SNX18: variants seen among roughly 807,000 people sequenced by gnomAD.
SNX18 encodes sorting nexin-18.
In SNX18, 35 loss-of-function variants were observed where a neutral mutation model predicts 48.7. That is an observed-to-expected ratio of 0.72 (90% CI 0.55 to 0.95). The LOEUF is 0.95. Among genes scored for constraint, SNX18 ranks in the 40% least tolerant of loss-of-function variants. SNX18 has a pLI of 0.00. For missense variants in SNX18, 824 were observed against 871.0 expected, an observed-to-expected ratio of 0.95 and a Z score of 0.68; for synonymous variants, 492 against 384.7, an observed-to-expected ratio of 1.28 and a Z score of -3.26.
the SNX18 span, among the ~76,000 whole-genome samples, chr5:54,557,566 G>A: frequency 6.6e-6 from 1 of 152,260 alleles, no homozygotes; most frequent in East Asian, 1.9e-4. Context: ...GGTGCCTACA[G>A]TAGTCAAATT....
chr5:54,623,233 T>C, the SNX18 span, among the ~76,000 whole-genome samples: 4 of 152,020 alleles, frequency 2.6e-5, no homozygotes, highest in Admixed American at 6.6e-5. Context: ...ACAAACTTGG[T>C]TTGAGAATAG....
the SNX18 span, among the ~76,000 whole-genome samples, chr5:54,588,203 G>A: frequency 6.6e-6 from 1 of 150,922 alleles, no homozygotes; most frequent in Non-Finnish European, 1.5e-5. Flanking sequence ...TCTGTTTCTA[G>A]GCAGTTGTAT....
At chr5:54,520,069 A>C in intron 1 of SNX18, 1 of 443,184 alleles carries the variant, frequency 2.3e-6, no homozygotes, top group Non-Finnish European at 4.1e-6. Context: ...AATTAAGATC[A>C]ATTCTCTGAG....
the SNX18 span, among the ~76,000 whole-genome samples, chr5:54,587,960 G>A: frequency 6.6e-6 from 1 of 152,300 alleles, no homozygotes; most frequent in South Asian, 2.1e-4. Context: ...CATCTGCCAG[G>A]TTGTGTCCAT....
At chr5:54,569,419 A>G in the SNX18 span, among the ~76,000 whole-genome samples, 1 of 152,214 alleles carries the variant, frequency 6.6e-6, no homozygotes. Context: ...GAGCTATCAG[A>G]TAGCAACCAT....
In SNX18 at chr5:54,543,326, G is replaced by A; in HGVS notation, c.1769G>A (p.Arg590Lys). The A allele has an allele frequency of 1.2e-6, 2 of 1,614,168 alleles. No individual in the cohort carries two copies. Among genetic ancestry groups the A allele is most frequent in the Non-Finnish European group, 1.7e-6 (2 of 1,180,028 alleles). ...EIHHFHQIRV[R>K]DFKSQMQHFL... ...CACCACTTCCATCAAATTCGAGTGA[G>A]AGACTTTAAATCACAGATGCAGCAT... Residue 590 changes from arginine to lysine, a missense_variant, in exon 2 of 2, where the codon AGA becomes AAA. Arg to Lys is a conservative substitution (Grantham distance 26, BLOSUM62 2). Transcript: ENST00000381410.
At chr5:54,558,486 C>T in the SNX18 span, among the ~76,000 whole-genome samples, 1 of 152,166 alleles carries the variant, frequency 6.6e-6, no homozygotes, top group Non-Finnish European at 1.5e-5. Context: ...ATTAAATTAG[C>T]CCCTGACCAT....
At chr5:54,578,305 G>A in the SNX18 span, among the ~76,000 whole-genome samples, 1 of 152,202 alleles carries the variant, frequency 6.6e-6, no homozygotes, top group African/African-American at 2.4e-5. Context: ...GCTAAACAAA[G>A]GCATTCTCCC....
chr5:54,614,234 A>G, the SNX18 span, among the ~76,000 whole-genome samples: 1 of 152,206 alleles, frequency 6.6e-6, no homozygotes, highest in Non-Finnish European at 1.5e-5. Flanking sequence ...GGAATCTGCA[A>G]TTCTGTTGTT....
At chr5:54,532,307 C>CTTTTTTTTTTTT (rs35717409) in intron 1 of SNX18, among the ~76,000 whole-genome samples, 1 of 137,068 alleles carries the variant, frequency 7.3e-6, no homozygotes, top group African/African-American at 2.7e-5. Flanking sequence ...TCTATTGTTG[C>CTTTTTTTTTTTT]TTTTTTTTTT....
At chr5:54,604,633 C>A in the SNX18 span, among the ~76,000 whole-genome samples, 2 of 152,074 alleles carry the variant, frequency 1.3e-5, no homozygotes, top group African/African-American at 4.8e-5. Flanking sequence ...TAGGGTGTCA[C>A]TATTAAATGG....
the SNX18 span, among the ~76,000 whole-genome samples, chr5:54,588,306 CTTTTTTT>C: frequency 1.4e-5 from 1 of 73,908 alleles, no homozygotes; most frequent in Non-Finnish European, 2.5e-5. Flanking sequence ...TATTTCTATT[CTTTTTTT>C]TTTTTTTTTT....
At chr5:54,565,651 GAA>G in the SNX18 span, among the ~76,000 whole-genome samples, 3 of 151,938 alleles carry the variant, frequency 2.0e-5, no homozygotes, top group Non-Finnish European at 4.4e-5. Context: ...TTTTTAAAAA[GAA>G]TATCATTTTG....
At chr5:54,607,677 A>T in the SNX18 span, among the ~76,000 whole-genome samples, 39 of 152,328 alleles carry the variant, frequency 2.6e-4, no homozygotes, top group African/African-American at 8.4e-4. Flanking sequence ...TCATGCCTGT[A>T]GTCTCAGCAC....
At chr5:54,599,780 C>A in the SNX18 span, among the ~76,000 whole-genome samples, 4 of 152,150 alleles carry the variant, frequency 2.6e-5, no homozygotes, top group East Asian at 5.8e-4. Flanking sequence ...ACTGGCTATC[C>A]ATTTGCAGAA....
rs770041267 is a variant in SNX18, at chr5:54,519,338, G to A, written c.1386G>A (p.Lys462=). ...GCAAGCAGGTGACCGGCTTCAAAAAGGAGTATCAGAAGGTGGGCCAGTCCT... is the reference window on the plus strand; with the variant it reads ...GCAAGCAGGTGACCGGCTTCAAAAAAGAGTATCAGAAGGTGGGCCAGTCCT... The part of the protein sequence containing the change: ...FARKQVTGFK[K]EYQKVGQSFR... The change falls in exon 1 of 2, where the codon AAG becomes AAA. Residue 462 remains lysine, a synonymous_variant. Coordinates refer to ENST00000381410, the MANE Select transcript of SNX18 (RefSeq NM_001102575.2). The A allele has an allele frequency of 8.1e-6, 13 of 1,613,502 alleles. No homozygotes were observed. The highest frequency in any genetic ancestry group is 1.1e-5 in the Non-Finnish European group (13 of 1,179,704).
rs567102856 is a variant in SNX18, at chr5:54,533,212, A to G, written c.1622-9967A>G. ...CATTTATTATATTTATGAATTAAAA[A>G]GTGAATTTTAAATTACCTTTGAATT... On this transcript the variant is annotated intron_variant, in intron 1 of 1. Coordinates refer to ENST00000381410, the MANE Select transcript of SNX18 (RefSeq NM_001102575.2). 6.2e-4 allele frequency among the ~76,000 whole-genome samples: 95 copies of G among 152,348 alleles called. 1 individual carries two copies. The South Asian group carries it at 0.013, about 21-fold the overall frequency.
intron 1 of SNX18, among the ~76,000 whole-genome samples, chr5:54,540,496 C>T (rs1206154148): frequency 6.6e-6 from 1 of 152,214 alleles, no homozygotes. Flanking sequence ...GGATTTTAGG[C>T]ATAAGCCACC....
chr5:54,534,796 C>T (rs1762322014), intron 1 of SNX18, among the ~76,000 whole-genome samples: 1 of 152,030 alleles, frequency 6.6e-6, no homozygotes, highest in South Asian at 2.1e-4. Flanking sequence ...AGTGCAAGTA[C>T]ATCTGCTAGT....
Sources: gnomAD v4.1 joint callset for allele counts (sites outside exome capture counted in the v4.1 genomes callset) on GRCh38, gnomAD v4.1.1 for gene constraint, MANE v1.5 for transcripts, NCBI Gene and HGNC (gene_info 2026-07-23, HGNC 2026-07-21) for gene names.